HMGCS1: variants seen among roughly 807,000 people sequenced by gnomAD.
The protein encoded by HMGCS1 is 3-hydroxy-3-methylglutaryl-CoA synthase 1.
In HMGCS1, 9 loss-of-function variants were observed where a neutral mutation model predicts 52.3. The ratio of observed to expected loss-of-function variants is 0.17; its 90% CI spans 0.10 to 0.30. The LOEUF is 0.30. HMGCS1 is among the 10% of genes least tolerant of loss of function. HMGCS1 has a pLI of 1.00. For synonymous variants in HMGCS1, 176 were observed against 214.4 expected, an observed-to-expected ratio of 0.82 and a Z score of 1.57; for missense variants, 320 against 620.9, an observed-to-expected ratio of 0.52 and a Z score of 5.15.
rs1039670734 is a variant in HMGCS1 at position 43,289,567 on chromosome 5, T to C, written c.*1564A>G. The C allele has an allele frequency of 6.6e-5, 10 of 152,478 alleles. No individual in the cohort carries two copies. Among genetic ancestry groups the C allele is most frequent in the African/African-American group, 2.4e-4 (10 of 41,396 alleles). 9.4% of individuals were successfully genotyped at this position (152,478 alleles called of 1,614,324 possible). ...AATTACTCTTTTCAAAACATACCGA[T>C]CTCCCCAACACTTGCAAAAGTATTA... On this transcript the variant is annotated 3_prime_UTR_variant, in exon 11 of 11. Coordinates refer to ENST00000325110, the MANE Select transcript of HMGCS1 (RefSeq NM_001098272.3).
At chr5:43,309,515 T>C (rs1754754362) in intron 1 of HMGCS1, among the ~76,000 whole-genome samples, 1 of 152,188 alleles carries the variant, frequency 6.6e-6, no homozygotes, top group Non-Finnish European at 1.5e-5. Flanking sequence ...GCTGGGATTA[T>C]AGGCGTGGGC....
At chr5:43,292,354 G>T in intron 10 of HMGCS1, 120 bp downstream of exon 10, 1 of 698,638 alleles carries the variant, frequency 1.4e-6, no homozygotes, top group Non-Finnish European at 2.4e-6. Flanking sequence ...ATTGGAAATA[G>T]TACAGCTAGA....
chr5:43,299,564 G>T (rs1307721556), intron 2 of HMGCS1, among the ~76,000 whole-genome samples: 2 of 151,968 alleles, frequency 1.3e-5, no homozygotes, highest in African/African-American at 4.8e-5. Context: ...GCAGGAGAAT[G>T]GCGTGAACCC....
chr5:43,290,827 C>A lies in HMGCS1; in HGVS notation c.*304G>T, dbSNP rs1047618845. ...TGACAGAAGTACACAATTCATTATA[C>A]CATGTTTAAAAACCAAACATCATGC... On this transcript the variant is annotated 3_prime_UTR_variant, in exon 11 of 11. Transcript: ENST00000325110. The A allele has an allele frequency of 7.7e-6, 2 of 260,628 alleles. No homozygotes were observed. Among genetic ancestry groups the A allele is most frequent in the African/African-American group, 4.3e-5 (2 of 46,016 alleles). The allele number at this position is 260,628 out of a possible 1,614,324, so 16.1% of individuals were successfully genotyped here. A position where few individuals can be genotyped will look rare whatever the true frequency, so the allele number is the denominator to read the frequency against.
chr5:43,304,687 C>A (rs145465335), intron 2 of HMGCS1, among the ~76,000 whole-genome samples: 1 of 152,102 alleles, frequency 6.6e-6, no homozygotes, highest in South Asian at 2.1e-4. Context: ...AAACAAAAAA[C>A]GTAGGTTAAC....
At chr5:43,296,337 TAA>T (rs1754031400) in intron 5 of HMGCS1, among the ~76,000 whole-genome samples, 1 of 152,136 alleles carries the variant, frequency 6.6e-6, no homozygotes, top group East Asian at 1.9e-4. Context: ...TGGGTCCTAA[TAA>T]AAAAGTTAGA....
At chr5:43,300,418 C>T (rs1754254259) in intron 2 of HMGCS1, among the ~76,000 whole-genome samples, 1 of 152,136 alleles carries the variant, frequency 6.6e-6, no homozygotes, top group African/African-American at 2.4e-5. Flanking sequence ...TGTTTGTCAA[C>T]CCATCACTAA....
rs1159707314 is a variant in HMGCS1, at chr5:43,292,458, G to C, written c.1473+16C>G. 3 of 1,608,560 alleles carry C rather than the reference G, an allele frequency of 1.9e-6. No homozygotes were observed. The African/African-American group carries it at 4.0e-5, about 22-fold the overall frequency. On this transcript the variant is annotated intron_variant, in intron 10 of 10. Coordinates refer to ENST00000325110, the MANE Select transcript of HMGCS1 (RefSeq NM_001098272.3). ...CCTAAACCCTAAGATATGGAGATGG[G>C]AACTCTTTTATTTACCTCAGTTGCT...
chr5:43,299,117 A>G, intron 2 of HMGCS1, 142 bp from the exon 3 acceptor site: 1 of 600,078 alleles, frequency 1.7e-6, no homozygotes, highest in Non-Finnish European at 2.9e-6. Context: ...AGGGCACTCA[A>G]TTGTGTACAT....
intron 1 of HMGCS1, among the ~76,000 whole-genome samples, chr5:43,309,239 T>A (rs1009628795): frequency 1.2e-4 from 14 of 119,708 alleles, no homozygotes; most frequent in South Asian, 2.5e-4. Flanking sequence ...TTCCCTCAAA[T>A]TTTTTTTTTT....
Position 43,295,791 on chromosome 5 carries a change from C to G in HMGCS1, c.866G>C (p.Arg289Thr). The change falls in exon 6 of 11, where the codon AGA (arginine) becomes ACA (threonine). Residue 289 changes from arginine to threonine, a missense_variant. Physicochemically the swap from Arg to Thr is moderately conservative, Grantham distance 71. This residue lies in a region of HMGCS1 where 213 missense variants were observed against 337.4 expected (regional missense o/e 0.63). Coordinates refer to ENST00000325110, the MANE Select transcript of HMGCS1 (RefSeq NM_001098272.3). ...GCCACTATAGATACTATTTTTATCT[C>G]TATTCTGGTCATTAAGGAAGTCATT... ...LLNDFLNDQN[R>T]DKNSIYSGLE... 1 of 1,613,364 alleles carries G rather than the reference C, an allele frequency of 6.2e-7. No homozygotes were observed. The highest frequency in any genetic ancestry group is 8.5e-7 in the Non-Finnish European group (1 of 1,179,550).
intron 5 of HMGCS1, 46 bp downstream of exon 5, chr5:43,296,956 C>G: frequency 4.6e-6 from 7 of 1,523,748 alleles, no homozygotes; most frequent in Non-Finnish European, 6.3e-6. Flanking sequence ...GTACATTAGA[C>G]TGCTCTCAAC....
Position 43,290,853 on chromosome 5 carries a change from A to G in HMGCS1, c.*278T>C. ...CATGTTTAAAAACCAAACATCATGC[A>G]TACAAATGGCCAAAGAGGTATGAAG... On this transcript the variant is annotated 3_prime_UTR_variant, in exon 11 of 11. Coordinates refer to ENST00000325110, the MANE Select transcript of HMGCS1 (RefSeq NM_001098272.3). The G allele has an allele frequency of 3.0e-6, 1 of 330,422 alleles. No individual in the cohort carries two copies. The highest frequency in any genetic ancestry group is 8.6e-4 in the Middle Eastern group (1 of 1,164). 20.5% of individuals were successfully genotyped at this position (330,422 alleles called of 1,614,324 possible).
At chr5:43,305,884 C>CAT (rs34007876) in intron 2 of HMGCS1, among the ~76,000 whole-genome samples, 7 of 151,426 alleles carry the variant, frequency 4.6e-5, no homozygotes, top group African/African-American at 1.7e-4. Flanking sequence ...AAAAAAATTA[C>CAT]GTTTTTAATT....
rs1367289174 is a variant in HMGCS1 at position 43,292,285 on chromosome 5, C to T, written c.1473+189G>A. On this transcript the variant is annotated intron_variant, in intron 10 of 10. Transcript: ENST00000325110. ...GGATTACAGGCGTGAGCCACCGCAC[C>T]CGGCCTTTACTGTATATTCTTAAAA... Among the ~76,000 whole-genome samples, 13 of 152,206 alleles carry T rather than the reference C, an allele frequency of 8.5e-5. No individual in the cohort carries two copies. The East Asian group carries it at 2.5e-3, about 29-fold the overall frequency.
intron 4 of HMGCS1, 92 bp downstream of exon 4, chr5:43,297,917 G>A (rs1754114998): frequency 2.1e-5 from 22 of 1,032,222 alleles, no homozygotes; most frequent in Non-Finnish European, 3.1e-5. Context: ...TGCATTTAAT[G>A]ACCATTAAGT....
intron 5 of HMGCS1, among the ~76,000 whole-genome samples, chr5:43,296,400 G>C (rs551021652): frequency 2.2e-4 from 33 of 152,228 alleles, no homozygotes; most frequent in Admixed American, 2.0e-3. Context: ...TATCCAGAGC[G>C]ACTAAATTCA....
At chr5:43,304,068 G>C (rs2111711618) in intron 2 of HMGCS1, among the ~76,000 whole-genome samples, 1 of 152,322 alleles carries the variant, frequency 6.6e-6, no homozygotes, top group East Asian at 1.9e-4. Context: ...AAATATAAAA[G>C]GGCTGCCTAA....
At chr5:43,292,680 C>T (rs369661164) in intron 9 of HMGCS1, 43 bp from the exon 10 acceptor site, 2 of 1,557,308 alleles carry the variant, frequency 1.3e-6, no homozygotes, top group East Asian at 2.2e-5. Flanking sequence ...TTATGATATA[C>T]AATTCATCTG....
Sources: gnomAD v4.1 joint callset for allele counts (sites outside exome capture counted in the v4.1 genomes callset) on GRCh38, gnomAD v4.1.1 for gene constraint, gnomAD v4.1.1 regional missense constraint, MANE v1.5 for transcripts, NCBI Gene and HGNC (gene_info 2026-07-23, HGNC 2026-07-21) for gene names.